IQSEC1: variants seen among roughly 807,000 people sequenced by gnomAD.
The protein encoded by IQSEC1 is IQ motif and SEC7 domain-containing protein 1.
Under a neutral mutation model 91.0 loss-of-function variants are expected in IQSEC1, and 31 were observed. That is an observed-to-expected ratio of 0.34 (90% CI 0.26 to 0.46). The LOEUF (loss-of-function observed/expected upper bound fraction) is 0.46. Ranked by LOEUF, IQSEC1 falls within the 20% of genes least tolerant of loss-of-function variation. IQSEC1 has a pLI of 1.00. For synonymous variants in IQSEC1, 699 were observed against 662.6 expected (o/e 1.05, Z -0.84); for missense variants, 1,388 against 1,575.6 (o/e 0.88, Z 2.02).
chr3:13,244,695 G>A (rs1473522514), intron 1 of IQSEC1, among the ~76,000 whole-genome samples: 2 of 152,182 alleles, frequency 1.3e-5, no homozygotes, highest in Non-Finnish European at 2.9e-5. Context: ...ATAAATCAGT[G>A]GCAAAGGAAT....
At chr3:13,119,215 A>C (rs1406661633) in intron 2 of IQSEC1, among the ~76,000 whole-genome samples, 1 of 152,196 alleles carries the variant, frequency 6.6e-6, no homozygotes, top group Non-Finnish European at 1.5e-5. Context: ...TATTATTCTT[A>C]AATAATAAGA....
At chr3:13,044,245 T>C (rs1325230340) in intron 1 of IQSEC1, among the ~76,000 whole-genome samples, 1 of 152,120 alleles carries the variant, frequency 6.6e-6, no homozygotes, top group African/African-American at 2.4e-5. Flanking sequence ...TCTGGTAATA[T>C]CTGGAGAAAT....
chr3:12,910,855 G>A (rs11712862), intron 10 of IQSEC1, among the ~76,000 whole-genome samples: 4,609 of 152,266 alleles, frequency 0.03, 73 homozygotes, highest in Non-Finnish European at 0.038. Context: ...GCTCAAGCAC[G>A]GACACTCAGC....
At chr3:13,177,461 T>C (rs1341755696) in intron 1 of IQSEC1, among the ~76,000 whole-genome samples, 1 of 152,154 alleles carries the variant, frequency 6.6e-6, no homozygotes, top group African/African-American at 2.4e-5. Flanking sequence ...ATTCCCACAG[T>C]GGGCACTCCT....
At chr3:13,271,100 G>C (rs1695583598) in intron 1 of IQSEC1, among the ~76,000 whole-genome samples, 1 of 152,152 alleles carries the variant, frequency 6.6e-6, no homozygotes, top group Non-Finnish European at 1.5e-5. Context: ...TAATAGGGCT[G>C]GGCGTGGTGG....
intron 1 of IQSEC1, among the ~76,000 whole-genome samples, chr3:12,976,180 G>A (rs1701162398): frequency 6.6e-6 from 1 of 152,138 alleles, no homozygotes; most frequent in Non-Finnish European, 1.5e-5. Flanking sequence ...ACCACTCCCC[G>A]CTCCCTTTGC....
Position 12,909,561 on chromosome 3 carries a change from A to T in IQSEC1, c.2417-127T>A. On this transcript the variant is annotated intron_variant, in intron 10 of 13. Coordinates refer to ENST00000613206, the MANE Select transcript of IQSEC1 (RefSeq NM_001134382.3). The surrounding 1 kb of genome is among the most constrained non-coding windows in gnomAD (Gnocchi z 4.9). ...AGCCTGGGATAAGTGCCGGGAGTCC[A>T]GCCTCCGCAGTGGCAGGCTGCAGGG... The T allele has an allele frequency of 3.3e-6, 3 of 897,616 alleles. No homozygotes were observed. Among genetic ancestry groups the T allele is most frequent in the Non-Finnish European group, 5.1e-6 (3 of 585,482 alleles). 55.6% of individuals were successfully genotyped at this position (897,616 alleles called of 1,614,324 possible).
intron 1 of IQSEC1, among the ~76,000 whole-genome samples, chr3:13,068,404 T>C (rs1398977229): frequency 6.6e-6 from 1 of 152,156 alleles, no homozygotes; most frequent in Non-Finnish European, 1.5e-5. Flanking sequence ...GCTTTGGGTA[T>C]ACAACGGGGA....
intron 1 of IQSEC1, among the ~76,000 whole-genome samples, chr3:13,252,728 G>GTTTTTT (rs558834911): frequency 6.8e-5 from 8 of 117,986 alleles, no homozygotes; most frequent in African/African-American, 3.0e-4. Context: ...GTTTTTTTTT[G>GTTTTTT]TTTTTGTTTG....
intron 1 of IQSEC1, among the ~76,000 whole-genome samples, chr3:13,038,969 G>T (rs1704150077): frequency 6.6e-6 from 1 of 152,260 alleles, no homozygotes. Flanking sequence ...CTTAGCTCTG[G>T]GGAAGCAGGA....
At chr3:12,901,841 A>G (rs714993) in intron 13 of IQSEC1, among the ~76,000 whole-genome samples, 125,195 of 152,148 alleles carry the variant, frequency 0.82, 52,523 homozygotes, top group African/African-American at 0.96. Flanking sequence ...GCAGCCTGAG[A>G]TTTCAAATTG....
chr3:13,104,060 C>G (rs1046701812), intron 2 of IQSEC1, among the ~76,000 whole-genome samples: 1 of 152,148 alleles, frequency 6.6e-6, no homozygotes, highest in Non-Finnish European at 1.5e-5. Context: ...AGATTCGAAC[C>G]CAGGCCATCT....
At chr3:13,079,543 C>T (rs1026745756) in intron 2 of IQSEC1, among the ~76,000 whole-genome samples, 3 of 152,226 alleles carry the variant, frequency 2.0e-5, no homozygotes, top group Non-Finnish European at 4.4e-5. Flanking sequence ...AGAGGTTTGC[C>T]AGTGTCGTGG....
At chr3:12,976,767 T>A (rs1442825604) in intron 1 of IQSEC1, among the ~76,000 whole-genome samples, 1 of 152,134 alleles carries the variant, frequency 6.6e-6, no homozygotes, top group Non-Finnish European at 1.5e-5. Context: ...CTATAGCAGG[T>A]GCTCAATAAA....
chr3:12,902,730 G>A (rs761536709), intron 13 of IQSEC1, 43 bp downstream of exon 13: 2 of 1,302,644 alleles, frequency 1.5e-6, no homozygotes, highest in Non-Finnish European at 2.2e-6. Flanking sequence ...ACTGGGGAAG[G>A]CGACACAGGA....
upstream of IQSEC1, among the ~76,000 whole-genome samples, chr3:13,076,733 C>G (rs1705568700): frequency 6.6e-6 from 1 of 152,218 alleles, no homozygotes; most frequent in South Asian, 2.1e-4. Context: ...GTCTTCAAGT[C>G]TGGGGACTTT....
chr3:13,007,549 T>C (rs1702691022), intron 1 of IQSEC1, among the ~76,000 whole-genome samples: 2 of 152,342 alleles, frequency 1.3e-5, no homozygotes, highest in South Asian at 4.1e-4. Context: ...TTGGCTTGCC[T>C]CAGTTTCCCC....
In IQSEC1 at chr3:12,899,254, C is replaced by T. The variant is rs1575821111; in HGVS notation, c.*1729G>A. The T allele has an allele frequency of 2.1e-6, 2 of 965,578 alleles. No individual in the cohort carries two copies. The highest frequency in any genetic ancestry group is 3.1e-6 in the Non-Finnish European group (2 of 648,756). 59.8% of individuals were successfully genotyped at this position (965,578 alleles called of 1,614,324 possible). On this transcript the variant is annotated 3_prime_UTR_variant, in exon 14 of 14. Transcript: ENST00000613206. ...CAGAGGGGGCTCCCCTCTCCTCCTG[C>T]CGTCCGGCCACGGCTCACCACGCTG...
rs1265797318 is a variant in IQSEC1 at position 12,983,661 on chromosome 3, C to T, written c.24-41796G>A. ...CTCAGCTCCTTCAGGGACGCCTGGG[C>T]TGACCTCACAGGCCACGCTGGGCAA... On this transcript the variant is annotated intron_variant, in intron 1 of 13. Coordinates refer to ENST00000613206, the MANE Select transcript of IQSEC1 (RefSeq NM_001134382.3). The surrounding 1 kb of genome is among the most constrained non-coding windows in gnomAD (Gnocchi z 4.3). 1.3e-5 allele frequency among the ~76,000 whole-genome samples: 2 copies of T among 152,164 alleles called. No homozygotes were observed. Among genetic ancestry groups the T allele is most frequent in the Admixed American group, 6.5e-5 (1 of 15,278 alleles).
Sources: gnomAD v4.1 joint callset for allele counts (sites outside exome capture counted in the v4.1 genomes callset) on GRCh38, gnomAD v4.1.1 for gene constraint, Gnocchi (gnomAD v3.1) non-coding constraint, MANE v1.5 for transcripts, NCBI Gene and HGNC (gene_info 2026-07-23, HGNC 2026-07-21) for gene names.